Variants in ADCY2 observed in about 807,000 individuals in gnomAD.
The protein encoded by ADCY2 is adenylate cyclase type 2.
ADCY2 carries 31 observed loss-of-function variants against 125.2 expected under a neutral mutation model. The observed-to-expected ratio is 0.25, with a 90% CI of 0.19 to 0.33. The LOEUF is 0.33. Ranked by LOEUF, ADCY2 falls within the 10% of genes least tolerant of loss-of-function variation. The pLI is 1.00. For missense variants in ADCY2, 904 were observed against 1,418.2 expected (o/e 0.64, Z 5.82); for synonymous variants, 512 against 548.4 (o/e 0.93, Z 0.93).
intron 3 of ADCY2, among the ~76,000 whole-genome samples, chr5:7,530,424 G>C (rs1734602142): frequency 6.6e-6 from 1 of 152,078 alleles, no homozygotes; most frequent in Non-Finnish European, 1.5e-5. Flanking sequence ...CTGACACTCA[G>C]GCTGGAAGAC....
At chr5:7,761,148 C>CTTTTTTTTT (rs367998018) in intron 16 of ADCY2, among the ~76,000 whole-genome samples, 5,467 of 87,856 alleles carry the variant, frequency 0.062, 86 homozygotes, top group Non-Finnish European at 0.075. Flanking sequence ...CTTTTCTTTT[C>CTTTTTTTTT]TTTTTTTTTT....
At chr5:7,403,937 TACACAC>T (rs370540720) in intron 1 of ADCY2, among the ~76,000 whole-genome samples, 163 of 140,540 alleles carry the variant, frequency 1.2e-3, no homozygotes, top group African/African-American at 1.9e-3. Context: ...CTTTCAATGC[TACACAC>T]ACACACACAC....
At chr5:7,582,272 A>G (rs1257162284) in intron 3 of ADCY2, among the ~76,000 whole-genome samples, 1 of 152,212 alleles carries the variant, frequency 6.6e-6, no homozygotes, top group African/African-American at 2.4e-5. Flanking sequence ...ACAAATAGAT[A>G]ATTACCTGAA....
At position 7,828,555 on chromosome 5, in the gene ADCY2, A is replaced by G. The variant is rs2126549038; in HGVS notation, c.*1684A>G. On this transcript the variant is annotated 3_prime_UTR_variant, in exon 25 of 25. Transcript: ENST00000338316. ...TAAAAGGCACTTATCGAAGCTGATA[A>G]CCGTCCTTCATCACCGAAGTGTGAG... is the stretch of plus-strand genomic sequence containing the variant. 2 of 152,408 alleles carry G rather than the reference A, an allele frequency of 1.3e-5. No homozygotes were observed. The highest frequency in any genetic ancestry group is 3.4e-3 in the Middle Eastern group (1 of 294). The allele number at this position is 152,408 out of a possible 1,614,324, so 9.4% of individuals were successfully genotyped here. A position where few individuals can be genotyped will look rare whatever the true frequency, so the allele number is the denominator to read the frequency against.
intron 4 of ADCY2, among the ~76,000 whole-genome samples, chr5:7,628,979 C>T (rs1033840341): frequency 6.6e-6 from 1 of 152,194 alleles, no homozygotes; most frequent in African/African-American, 2.4e-5. Context: ...GGTTTGGGTT[C>T]CTTGTGTCAC....
At chr5:7,747,756 C>T (rs900917142) in intron 15 of ADCY2, among the ~76,000 whole-genome samples, 2 of 152,194 alleles carry the variant, frequency 1.3e-5, no homozygotes, top group South Asian at 2.1e-4. Context: ...TCCCATTTTG[C>T]GTTATTACTT....
chr5:7,806,553 T>C (rs193297928), intron 22 of ADCY2, among the ~76,000 whole-genome samples: 1 of 152,352 alleles, frequency 6.6e-6, no homozygotes, highest in East Asian at 1.9e-4. Context: ...GCTCCTCTTC[T>C]GTCTTGCACA....
chr5:7,410,464 G>T (rs1739664921), intron 1 of ADCY2, among the ~76,000 whole-genome samples: 1 of 152,138 alleles, frequency 6.6e-6, no homozygotes, highest in Non-Finnish European at 1.5e-5. Context: ...AATAGGCCTG[G>T]CAATTAGAAG....
intron 21 of ADCY2, among the ~76,000 whole-genome samples, chr5:7,803,171 G>A (rs545689837): frequency 1.4e-4 from 22 of 152,296 alleles, no homozygotes; most frequent in African/African-American, 3.8e-4. Flanking sequence ...CGTAATGACC[G>A]TCAGCGATTA....
At chr5:7,768,860 C>T (rs1560971214) in intron 17 of ADCY2, among the ~76,000 whole-genome samples, 1 of 152,152 alleles carries the variant, frequency 6.6e-6, no homozygotes, top group Non-Finnish European at 1.5e-5. Flanking sequence ...CCCAGGTCTA[C>T]GTGGACTGGC....
intron 1 of ADCY2, among the ~76,000 whole-genome samples, chr5:7,402,389 A>C (rs1384137899): frequency 6.6e-6 from 1 of 152,250 alleles, no homozygotes; most frequent in Non-Finnish European, 1.5e-5. Flanking sequence ...GAGGGTTAGG[A>C]GAAGACTTTG....
At chr5:7,690,323 G>T (rs1740665831) in intron 4 of ADCY2, among the ~76,000 whole-genome samples, 1 of 152,070 alleles carries the variant, frequency 6.6e-6, no homozygotes, top group Admixed American at 6.5e-5. Flanking sequence ...GAACATGCAG[G>T]CAAAAATGAG....
rs1741483414 is a variant in ADCY2, at chr5:7,712,868, G to A, written c.1591G>A (p.Gly531Ser). 2 of 1,608,858 alleles carry A rather than the reference G, an allele frequency of 1.2e-6. No individual in the cohort carries two copies. The highest frequency in any genetic ancestry group is 1.7e-6 in the Non-Finnish European group (2 of 1,176,168). The change falls in exon 11 of 25, where the codon GGT becomes AGT. Residue 531 changes from glycine (G) to serine (S), a missense_variant. By Grantham distance (56) the Gly-to-Ser change is moderately conservative (BLOSUM62 0). Around this residue, in one of 7 missense-constraint regions of ADCY2, gnomAD observed 144 missense variants for 227.7 expected, o/e 0.63. Transcript: ENST00000338316. Reference sequence around the variant, plus strand: ...TTTCTCAATATAGGATGTACCCATGGGTCAGCATAATTTTCAAAATCGCAC... The same window carrying A: ...TTTCTCAATATAGGATGTACCCATGAGTCAGCATAATTTTCAAAATCGCAC... ...GKISTTDVPM[G>S]QHNFQNRTLR... is the part of the protein sequence containing the mutation.
At position 7,646,022 on chromosome 5, in the gene ADCY2, A is replaced by C. The variant is rs1015252273; in HGVS notation, c.720+19706A>C. On this transcript the variant is annotated intron_variant, in intron 4 of 24. Coordinates refer to ENST00000338316, the MANE Select transcript of ADCY2 (RefSeq NM_020546.3). Reference sequence around the variant, plus strand: ...AAGACTTTCAGGCAAATGTGGATTCAGAAAATGCAACTTCCGCACATCTAT... The same window carrying C: ...AAGACTTTCAGGCAAATGTGGATTCCGAAAATGCAACTTCCGCACATCTAT... 3.4e-4 allele frequency among the ~76,000 whole-genome samples: 52 copies of C among 152,232 alleles called. 1 individual carries two copies. The highest frequency in any genetic ancestry group is 1.2e-3 in the African/African-American group (51 of 41,464).
chr5:7,481,510 G>A (rs549107339), intron 2 of ADCY2, among the ~76,000 whole-genome samples: 45 of 151,356 alleles, frequency 3.0e-4, no homozygotes, highest in Admixed American at 2.0e-3. Context: ...CTCATGATCC[G>A]CTTGCCTCGG....
At chr5:7,673,269 A>AATATATATATATATATATATATATAT (rs1180249627) in intron 4 of ADCY2, among the ~76,000 whole-genome samples, 6 of 3,930 alleles carry the variant, frequency 1.5e-3, no homozygotes, top group Non-Finnish European at 2.2e-3. Context: ...AAAAAAAAAA[A>AATATATATATATATATATATATATAT]ATATATATAT....
intron 2 of ADCY2, among the ~76,000 whole-genome samples, chr5:7,499,836 T>C (rs377404802): frequency 6.6e-6 from 1 of 151,636 alleles, no homozygotes; most frequent in East Asian, 1.9e-4. Flanking sequence ...TGCAGTATTA[T>C]ATACACAGTA....
chr5:7,591,286 C>T (rs1292956373), intron 3 of ADCY2, among the ~76,000 whole-genome samples: 1 of 152,084 alleles, frequency 6.6e-6, no homozygotes, highest in Non-Finnish European at 1.5e-5. Context: ...ACTTACTACT[C>T]CTAAGATGAT....
At chr5:7,810,570 T>C (rs1744907814) in intron 22 of ADCY2, among the ~76,000 whole-genome samples, 2 of 152,094 alleles carry the variant, frequency 1.3e-5, no homozygotes, top group Non-Finnish European at 1.5e-5. Context: ...ATCTACCTGA[T>C]TGGTGAGTTA....
Sources: allele counts gnomAD v4.1 joint callset (sites outside exome capture counted in the v4.1 genomes callset), GRCh38; gene constraint gnomAD v4.1.1; regional missense constraint gnomAD v4.1.1; transcripts MANE v1.5; gene names NCBI Gene and HGNC (gene_info 2026-07-23, HGNC 2026-07-21).